PTRH1: variants seen among roughly 807,000 people sequenced by gnomAD.
The protein encoded by PTRH1 is peptidyl-tRNA hydrolase.
Under a neutral mutation model 15.7 loss-of-function variants are expected in PTRH1, and 13 were observed. That is an observed-to-expected ratio of 0.83 (90% CI 0.54 to 1.31). PTRH1 has a LOEUF of 1.31. PTRH1 is among the 40% of genes most tolerant of loss of function. PTRH1 has a pLI of 0.00. For missense variants in PTRH1, 319 were observed against 296.2 expected, an observed-to-expected ratio of 1.08 and a Z score of -0.56; for synonymous variants, 139 against 136.7, an observed-to-expected ratio of 1.02 and a Z score of -0.12.
chr9:127,713,602 G>A (rs896673810), downstream of PTRH1: 1 of 402,796 alleles, frequency 2.5e-6, no homozygotes. Context: ...CGCCTCCCAG[G>A]TTCAAGTGAT....
At chr9:127,695,053 TTGATGATGATGATGATGATGA>T (rs57076743) in exon 2 of PTRH1, 5 of 671,696 alleles carry the variant, frequency 7.4e-6, no homozygotes, top group Admixed American at 2.1e-5. Context: ...GGCTCAGCCA[TTGATGATGATGATGATGATGA>T]TGATGATGAT....
chr9:127,698,786 C>T (rs1842581705), intron 1 of PTRH1, among the ~76,000 whole-genome samples: 1 of 152,156 alleles, frequency 6.6e-6, no homozygotes, highest in South Asian at 2.1e-4. Context: ...TATGGGGAAT[C>T]CACCACCTTG....
At chr9:127,713,213 G>A (rs758791049), downstream of PTRH1, 4 of 1,519,514 alleles carry the variant, frequency 2.6e-6, no homozygotes, top group South Asian at 4.0e-5. Context: ...TGAGGTGAGG[G>A]TGCCAGGGGC....
At chr9:127,709,839 C>G, downstream of PTRH1, 1 of 982,328 alleles carries the variant, frequency 1.0e-6, no homozygotes, top group South Asian at 1.7e-5. The surrounding 1 kb of genome is among the most constrained non-coding windows in gnomAD (Gnocchi z 4.7). Context: ...TCCTACGAAG[C>G]TGGAAACATC....
chr9:127,695,488 C>T, intron 1 of PTRH1: 1 of 228,696 alleles, frequency 4.4e-6, no homozygotes. Context: ...ACTGCATCTG[C>T]CGCCCAGAAG....
downstream of PTRH1, chr9:127,709,579 A>T: frequency 6.2e-7 from 1 of 1,614,064 alleles, no homozygotes; most frequent in Non-Finnish European, 8.5e-7. This position sits in a 1 kb window ranked among gnomAD's most constrained non-coding sequence, Gnocchi z 4.7. Context: ...GCAGCTCCAG[A>T]ACTTGCAGCT....
At chr9:127,709,033 G>A (rs1210892819), downstream of PTRH1, among the ~76,000 whole-genome samples, 10 of 152,184 alleles carry the variant, frequency 6.6e-5, 1 homozygote, top group Admixed American at 6.5e-4. This position sits in a 1 kb window ranked among gnomAD's most constrained non-coding sequence, Gnocchi z 4.7. Context: ...ATCCTTCTGA[G>A]CCTCAGTTTC....
chr9:127,715,308 G>T lies in PTRH1; in HGVS notation c.97-114C>A, dbSNP rs1419839536. ...GAAACGCAGAGCAACGCTGCAGTGG[G>T]GAAGGGGCGCGAAGAAGGGGCCCAG... On this transcript the variant is annotated intron_variant, in intron 1 of 4. Coordinates refer to ENST00000543175, the MANE Select transcript of PTRH1 (RefSeq NM_001002913.3). The surrounding 1 kb of genome is among the most constrained non-coding windows in gnomAD (Gnocchi z 5.8). The T allele has an allele frequency of 1.5e-6, 2 of 1,338,460 alleles. No individual in the cohort carries two copies. Among genetic ancestry groups the T allele is most frequent in the African/African-American group, 1.4e-5 (1 of 69,226 alleles). 82.9% of individuals were successfully genotyped at this position (1,338,460 alleles called of 1,614,324 possible).
intron 1 of PTRH1, among the ~76,000 whole-genome samples, chr9:127,704,640 G>A (rs1302406698): frequency 1.3e-5 from 2 of 152,082 alleles, no homozygotes; most frequent in East Asian, 3.9e-4. Context: ...CTGCCTCTTA[G>A]ACTGGAGCTT....
Position 127,714,252 on chromosome 9 carries a change from G to A in PTRH1, c.493C>T (p.Arg165Cys), listed in dbSNP as rs11540273. Reference protein sequence around the residue: ...AMPRLRVGIGRPAHPEAVQAH... With the variant: ...AMPRLRVGIGCPAHPEAVQAH... ...TGAACCGCCTCAGGGTGCGCCGGGCGCCCGATACCCACCCGCAGCCTTGGC... is the reference window on the plus strand; with the variant it reads ...TGAACCGCCTCAGGGTGCGCCGGGCACCCGATACCCACCCGCAGCCTTGGC... Residue 165 changes from arginine (R) to cysteine (C), a missense_variant, in exon 5 of 5, where the codon CGC becomes TGC. Transcript: ENST00000543175. 42 of 1,613,928 alleles carry A rather than the reference G, an allele frequency of 2.6e-5. No individual in the cohort carries two copies. The highest frequency in any genetic ancestry group is 3.3e-5 in the South Asian group (3 of 91,078).
rs1458665166 is a variant in PTRH1, at chr9:127,705,079, G to C, written c.206-9938C>G. ...ATGTTTAATGATGCCTGGCCTCCCT[G>C]CTTCCCCAGGGCCTAGGTTTCTTCC... On this transcript the variant is annotated intron_variant, in intron 1 of 2. Coordinates refer to the PTRH1 transcript ENST00000335223. This position sits in a 1 kb window ranked among gnomAD's most constrained non-coding sequence, Gnocchi z 4.7. Among the ~76,000 whole-genome samples, 2 of 152,166 alleles carry C rather than the reference G, an allele frequency of 1.3e-5. No homozygotes were observed. The highest frequency in any genetic ancestry group is 2.9e-5 in the Non-Finnish European group (2 of 68,016).
chr9:127,694,906 C>T (rs1842543774), intron 2 of PTRH1: 3 of 688,356 alleles, frequency 4.4e-6, no homozygotes, highest in Non-Finnish European at 8.0e-6. Flanking sequence ...GTTAGGAGCA[C>T]AGACTTCAGC....
At chr9:127,710,043 C>T (rs550670971), downstream of PTRH1, among the ~76,000 whole-genome samples, 15 of 152,216 alleles carry the variant, frequency 9.9e-5, no homozygotes, top group African/African-American at 3.1e-4. Context: ...GAGGCCAAGG[C>T]GGGAGGATTG....
chr9:127,714,613 C>T lies in PTRH1; in HGVS notation c.406G>A (p.Gly136Ser). ...ATCTCAGGACCTCACCTGGCACTGC[C>T]CCCCAGCTTCAGAGCCAGTCTCCCC... is the stretch of plus-strand genomic sequence containing the variant. ...PLGRLALKLG[G>S]SARGHNGVRS... The change falls in exon 3 of 5, where the codon GGC becomes AGC. Residue 136 changes from glycine to serine, a missense_variant. Gly to Ser is a moderately conservative substitution (Grantham distance 56). Transcript: ENST00000543175. The T allele has an allele frequency of 6.2e-7, 1 of 1,613,804 alleles. No individual in the cohort carries two copies. The highest frequency in any genetic ancestry group is 1.3e-5 in the African/African-American group (1 of 75,026).
chr9:127,711,097 G>GC, downstream of PTRH1: 1 of 1,182,236 alleles, frequency 8.5e-7, no homozygotes, highest in Non-Finnish European at 1.2e-6. Context: ...CCCACCCATA[G>GC]CCCCAACCCT....
chr9:127,695,144 G>T, intron 1 of PTRH1: 2 of 693,338 alleles, frequency 2.9e-6, no homozygotes, highest in Non-Finnish European at 5.3e-6. Context: ...AGCCAAGCCT[G>T]GGGAGAAAAG....
chr9:127,711,631 T>C (rs551994005), downstream of PTRH1: 25 of 1,245,178 alleles, frequency 2.0e-5, no homozygotes, highest in African/African-American at 2.9e-4. Context: ...GGGCCTCCTG[T>C]GGGGGCTGCA....
chr9:127,714,362 C>T lies in PTRH1; in HGVS notation c.462+17G>A, dbSNP rs370341445. 4.3e-6 allele frequency: 7 copies of T among 1,614,232 alleles called. No homozygotes were observed. The highest frequency in any genetic ancestry group is 5.9e-6 in the Non-Finnish European group (7 of 1,180,040). On this transcript the variant is annotated intron_variant, in intron 4 of 4. Coordinates refer to ENST00000543175, the MANE Select transcript of PTRH1 (RefSeq NM_001002913.3). ...TGGCCCACCCGACCCAGTTGCACAA[C>T]AAAAGGGTAGACTCACATTGGAGTT...
chr9:127,705,232 G>A lies in PTRH1; in HGVS notation c.206-10091C>T, dbSNP rs958294253. Among the ~76,000 whole-genome samples the A allele has an allele frequency of 2.0e-5, 3 of 152,180 alleles. No homozygotes were observed. The highest frequency in any genetic ancestry group is 2.9e-5 in the Non-Finnish European group (2 of 68,028). On this transcript the variant is annotated intron_variant, in intron 1 of 2. Coordinates refer to the PTRH1 transcript ENST00000335223. This position sits in a 1 kb window ranked among gnomAD's most constrained non-coding sequence, Gnocchi z 4.7. ...AAGACCCAGCTCCTGCAGGGTTTGT[G>A]TCTCACAGCTCCAGCAGCTCTGGGC...
Sources: gnomAD v4.1 joint callset for allele counts (sites outside exome capture counted in the v4.1 genomes callset) on GRCh38, gnomAD v4.1.1 for gene constraint, Gnocchi (gnomAD v3.1) non-coding constraint, MANE v1.5 for transcripts, NCBI Gene and HGNC (gene_info 2026-07-23, HGNC 2026-07-21) for gene names.